Variants in PPP2R2C observed in about 807,000 individuals in gnomAD.
PPP2R2C encodes protein phosphatase 2 regulatory subunit Bgamma, also known as protein phosphatase 2, regulatory subunit B, gamma.
Under a neutral mutation model 45.3 loss-of-function variants are expected in PPP2R2C, and 10 were observed. That is an observed-to-expected ratio of 0.22 (90% confidence interval 0.14 to 0.37). The LOEUF (loss-of-function observed/expected upper bound fraction) is 0.37. Ranked by LOEUF, PPP2R2C falls within the 10% of genes least tolerant of loss-of-function variation. The probability of loss-of-function intolerance (pLI) is 1.00; values close to 1 mark genes in which losing one functional copy is unlikely to be tolerated. For synonymous variants in PPP2R2C, 257 were observed against 245.4 expected (o/e 1.05, Z -0.44); for missense variants, 308 against 619.7 (o/e 0.50, Z 5.34).
chr4:6,332,905 C>T lies in PPP2R2C; in HGVS notation c.960+657G>A, dbSNP rs984263359. On this transcript the variant is annotated intron_variant, in intron 7 of 8. Coordinates refer to ENST00000382599, the MANE Select transcript of PPP2R2C (RefSeq NM_020416.4). The surrounding 1 kb of genome is among the most constrained non-coding windows in gnomAD (Gnocchi z 4.9). ...ATGCCACCTCCTCCAAGAAGCCTCC[C>T]TGATCTCCCCACCTAACTGGAACCA... 1.3e-5 allele frequency among the ~76,000 whole-genome samples: 2 copies of T among 152,216 alleles called. No individual in the cohort carries two copies. Among genetic ancestry groups the T allele is most frequent in the Admixed American group, 1.3e-4 (2 of 15,290 alleles).
intron 2 of PPP2R2C, among the ~76,000 whole-genome samples, chr4:6,514,879 C>T (rs929986124): frequency 3.9e-5 from 6 of 152,188 alleles, no homozygotes; most frequent in Non-Finnish European, 5.9e-5. Context: ...CAGGTGTTGC[C>T]TGCAAGCCTG....
intron 8 of PPP2R2C, among the ~76,000 whole-genome samples, chr4:6,323,817 TGAGGCAGGAGGATCACCTGAGCCTGGG>T (rs67205802): frequency 0.56 from 84,280 of 151,102 alleles, 24,230 homozygotes; most frequent in East Asian, 0.91. Context: ...TTCAGGAGGT[TGAGGCAGGAGGATCACCTGAGCCTGGG>T]GAGGCAGGAG....
chr4:6,537,602 G>A (rs1206523395), intron 1 of PPP2R2C, among the ~76,000 whole-genome samples: 1 of 148,542 alleles, frequency 6.7e-6, no homozygotes, highest in African/African-American at 2.5e-5. Context: ...CCAGGCTGGA[G>A]TGCAGTGGTG....
At chr4:6,474,542 C>T (rs143066146), upstream of PPP2R2C, among the ~76,000 whole-genome samples, 1 of 152,316 alleles carries the variant, frequency 6.6e-6, no homozygotes, top group Non-Finnish European at 1.5e-5. Flanking sequence ...CCACCCTATG[C>T]TGGCATCAGC....
intron 1 of PPP2R2C, among the ~76,000 whole-genome samples, chr4:6,463,092 T>G (rs1721413374): frequency 6.6e-6 from 1 of 152,158 alleles, no homozygotes; most frequent in Non-Finnish European, 1.5e-5. Context: ...TTTTTTGAAA[T>G]TGTAAAAAAA....
intron 1 of PPP2R2C, among the ~76,000 whole-genome samples, chr4:6,388,873 C>T (rs773137365): frequency 1.2e-4 from 18 of 152,172 alleles, no homozygotes; most frequent in Non-Finnish European, 2.2e-4. Flanking sequence ...CAGTTTGTAG[C>T]ACTTTGTCAC....
At chr4:6,543,023 G>A (rs953946528) in intron 1 of PPP2R2C, among the ~76,000 whole-genome samples, 2 of 152,180 alleles carry the variant, frequency 1.3e-5, no homozygotes, top group South Asian at 4.1e-4. Context: ...GGCCAACAGA[G>A]TGGACTCAGA....
At chr4:6,373,265 G>C (rs901445612) in intron 4 of PPP2R2C, among the ~76,000 whole-genome samples, 1 of 152,216 alleles carries the variant, frequency 6.6e-6, no homozygotes, top group African/African-American at 2.4e-5. Context: ...CAGGAGAGCT[G>C]TGTCCCAACC....
At position 6,329,475 on chromosome 4, in the gene PPP2R2C, C is replaced by G; in HGVS notation, c.961-122G>C. On this transcript the variant is annotated intron_variant, in intron 7 of 8. Transcript: ENST00000382599. The surrounding 1 kb of genome is among the most constrained non-coding windows in gnomAD (Gnocchi z 5.8). ...CCTGACATGGCCCAGCGCAGACCTG[C>G]TCATCTCAGCGAGGGTCTGAATGCT... 2 of 789,746 alleles carry G rather than the reference C, an allele frequency of 2.5e-6. No homozygotes were observed. Among genetic ancestry groups the G allele is most frequent in the Non-Finnish European group, 2.2e-6 (1 of 463,212 alleles). 48.9% of individuals were successfully genotyped at this position (789,746 alleles called of 1,614,324 possible).
rs141785626 is a variant in PPP2R2C at position 6,396,430 on chromosome 4, TAGGC to T, written c.71-15340_71-15337del. ...GCACATTCAGCAGGGCTGACGGAGA[TAGGC>T]AGGTCTGGAGCCCTCCCTAACCCAG... On this transcript the variant is annotated intron_variant, in intron 1 of 8. Transcript: ENST00000382599. Among the ~76,000 whole-genome samples, 306 of 152,296 alleles carry T rather than the reference TAGGC, an allele frequency of 2.0e-3. 1 individual carries two copies. The highest frequency in any genetic ancestry group is 7.2e-3 in the African/African-American group (300 of 41,562).
In PPP2R2C at chr4:6,563,024, C is replaced by A. The variant is rs1560624690; in HGVS notation, c.-59+536G>T. Among the ~76,000 whole-genome samples the A allele has an allele frequency of 6.6e-6, 1 of 152,118 alleles. No homozygotes were observed. Among genetic ancestry groups the A allele is most frequent in the South Asian group, 2.1e-4 (1 of 4,826 alleles). On this transcript the variant is annotated intron_variant, in intron 1 of 9. Transcript: ENST00000506140. The surrounding 1 kb of genome is among the most constrained non-coding windows in gnomAD (Gnocchi z 5.8). The stretch of plus-strand genomic sequence containing the variant: ...GCAGCCGGGCCTGACTCAGCACCCA[C>A]CGGCGCGGGCAGCGGGAGGAGCGCG...
rs1462311802 is a variant in PPP2R2C, at chr4:6,471,668, G to T, written c.70+492C>A. 1 of 153,618 alleles carries T rather than the reference G, an allele frequency of 6.5e-6. No individual in the cohort carries two copies. Among genetic ancestry groups the T allele is most frequent in the Non-Finnish European group, 1.4e-5 (1 of 69,022 alleles). 9.5% of individuals were successfully genotyped at this position (153,618 alleles called of 1,614,324 possible). A position where few individuals can be genotyped will look rare whatever the true frequency, so the allele number is the denominator to read the frequency against. ...GCCCGGGCAGGCGGGCCTCCCAGGA[G>T]GATCTGGCAATGGATTATGTTTTTT... is the stretch of plus-strand genomic sequence containing the variant. On this transcript the variant is annotated intron_variant, in intron 1 of 8. Transcript: ENST00000382599. The surrounding 1 kb of genome is among the most constrained non-coding windows in gnomAD (Gnocchi z 5.6).
chr4:6,443,535 A>T (rs1720264827), intron 1 of PPP2R2C, among the ~76,000 whole-genome samples: 2 of 152,140 alleles, frequency 1.3e-5, no homozygotes, highest in South Asian at 4.1e-4. Flanking sequence ...CTCTGCCGCA[A>T]CATTCAGCTG....
At chr4:6,389,929 G>A (rs759159217) in intron 1 of PPP2R2C, among the ~76,000 whole-genome samples, 22 of 152,252 alleles carry the variant, frequency 1.4e-4, no homozygotes, top group East Asian at 3.9e-4. Context: ...TCCTCTCAGC[G>A]TTTATGGGGT....
At chr4:6,420,998 C>T (rs553156218) in intron 1 of PPP2R2C, 32 of 985,234 alleles carry the variant, frequency 3.2e-5, no homozygotes, top group Middle Eastern at 1.0e-3. Flanking sequence ...TGGTTCTCCT[C>T]GATGTGCCTG....
chr4:6,518,782 G>A (rs1286666561), intron 2 of PPP2R2C, among the ~76,000 whole-genome samples: 1 of 151,834 alleles, frequency 6.6e-6, no homozygotes, highest in Non-Finnish European at 1.5e-5. Context: ...AATTACCCAG[G>A]CATAGTGGCA....
chr4:6,472,474 C>A lies in PPP2R2C; in HGVS notation c.-245G>T, dbSNP rs4388152. On this transcript the variant is annotated 5_prime_UTR_variant, in exon 1 of 9. Coordinates refer to ENST00000382599, the MANE Select transcript of PPP2R2C (RefSeq NM_020416.4). ...GTTCGGGCGGGCCGGGGCCCAGGCG[C>A]GCATCCCGGCCGGCCCGTGCGCGCT... 1,187 of 255,206 alleles carry A rather than the reference C, an allele frequency of 4.7e-3. 7 individuals are homozygous for A. Among genetic ancestry groups the A allele is most frequent in the African/African-American group, 0.026 (1,132 of 42,900 alleles). The allele number at this position is 255,206 out of a possible 1,614,324, so 15.8% of individuals were successfully genotyped here.
chr4:6,463,889 A>G lies in PPP2R2C; in HGVS notation c.70+8271T>C, dbSNP rs192441360. On this transcript the variant is annotated intron_variant, in intron 1 of 8. Transcript: ENST00000382599. The stretch of plus-strand genomic sequence containing the variant: ...TGCCTTTCATCGCAACACAGATAGC[A>G]AGAGCACCAAGCCAGGTAGTCTAGT... Among the ~76,000 whole-genome samples, 9 of 152,310 alleles carry G rather than the reference A, an allele frequency of 5.9e-5. No individual in the cohort carries two copies. In the East Asian group the frequency reaches 1.4e-3, roughly 23 times the overall value.
intron 1 of PPP2R2C, among the ~76,000 whole-genome samples, chr4:6,548,079 A>C (rs138180529): frequency 6.6e-6 from 1 of 152,052 alleles, no homozygotes; most frequent in African/African-American, 2.4e-5. Context: ...TTAACCAGGC[A>C]TGGTGGTGGG....
Sources: allele counts gnomAD v4.1 joint callset (sites outside exome capture counted in the v4.1 genomes callset), GRCh38; gene constraint gnomAD v4.1.1; non-coding constraint Gnocchi (gnomAD v3.1); transcripts MANE v1.5; gene names NCBI Gene and HGNC (gene_info 2026-07-23, HGNC 2026-07-21).